DNAH6: variants seen among roughly 807,000 people sequenced by gnomAD.
The protein encoded by DNAH6 is axonemal beta dynein heavy chain 6.
A neutral mutation model predicts 491.4 loss-of-function variants in DNAH6; 340 were observed. The ratio of observed to expected loss-of-function variants is 0.69; its 90% confidence interval spans 0.63 to 0.76. The LOEUF is 0.76. Among genes scored for constraint, DNAH6 ranks in the 30% least tolerant of loss-of-function variants. The pLI, the probability that DNAH6 is intolerant of heterozygous loss-of-function variation, is 0.00. For missense variants in DNAH6, 4,443 were observed against 4,972.2 expected (o/e 0.89, Z 3.20); for synonymous variants, 1,603 against 1,686.1 (o/e 0.95, Z 1.21).
chr2:84,721,021 C>A (rs1197604906), intron 59 of DNAH6, among the ~76,000 whole-genome samples: 2 of 152,126 alleles, frequency 1.3e-5, no homozygotes, highest in Non-Finnish European at 2.9e-5. Flanking sequence ...AAAAATATGT[C>A]TCATATTCTC....
At position 84,692,406 on chromosome 2, in the gene DNAH6, A is replaced by G. The variant is rs184602279; in HGVS notation, c.7293-1843A>G. ...ACATTGTTTTCTTCAATTATCAACA[A>G]TATAAATAAGGTAGATAGATAGATA... On this transcript the variant is annotated intron_variant, in intron 45 of 76. Transcript: ENST00000389394. 1.1e-4 allele frequency among the ~76,000 whole-genome samples: 16 copies of G among 150,638 alleles called. No homozygotes were observed. The South Asian group carries it at 3.0e-3, about 28-fold the overall frequency.
the DNAH6 span, among the ~76,000 whole-genome samples, chr2:84,489,280 C>T: frequency 6.6e-6 from 1 of 151,988 alleles, no homozygotes; most frequent in Admixed American, 6.5e-5. Flanking sequence ...ATTATGTATT[C>T]TTCAATTGTT....
At chr2:84,641,802 T>G in intron 32 of DNAH6, 145 bp from the exon 33 acceptor site, 1 of 628,970 alleles carries the variant, frequency 1.6e-6, no homozygotes. Flanking sequence ...CTGATGGAGA[T>G]GAACGCTGAA....
chr2:84,481,752 G>T, the DNAH6 span, among the ~76,000 whole-genome samples: 1 of 152,274 alleles, frequency 6.6e-6, no homozygotes, highest in South Asian at 2.1e-4. Flanking sequence ...GTGACCTACC[G>T]GTCTATGCCA....
At chr2:84,470,882 G>T in the DNAH6 span, among the ~76,000 whole-genome samples, 3 of 152,272 alleles carry the variant, frequency 2.0e-5, no homozygotes, top group Non-Finnish European at 4.4e-5. Flanking sequence ...AATTGTGGAG[G>T]CTGCAAAGGC....
intron 17 of DNAH6, 90 bp from the exon 18 acceptor site, chr2:84,595,556 G>GTCGCCGAATC: frequency 1.7e-6 from 2 of 1,181,188 alleles, no homozygotes; most frequent in Non-Finnish European, 2.3e-6. Context: ...TGTAGATTTG[G>GTCGCCGAATC]ATTAACTTTT....
intron 45 of DNAH6, among the ~76,000 whole-genome samples, chr2:84,693,158 G>A (rs1695036015): frequency 6.6e-6 from 1 of 151,836 alleles, no homozygotes; most frequent in Non-Finnish European, 1.5e-5. Flanking sequence ...TCTATGATGT[G>A]GCCTCTGGGA....
chr2:84,557,747 G>A lies in DNAH6; in HGVS notation c.1615G>A (p.Gly539Ser), dbSNP rs143854392. The part of the protein sequence containing the change: ...SLEDFLDGIL[G>S]AVNHCQNTVL... Reference sequence around the variant, plus strand: ...TTCTCTTTAACAGGATGGTATTTTGGGTGCAGTTAATCACTGTCAAAACAC... The same window carrying A: ...TTCTCTTTAACAGGATGGTATTTTGAGTGCAGTTAATCACTGTCAAAACAC... Residue 539 changes from glycine to serine, a missense_variant, in exon 11 of 77, where the codon GGT becomes AGT. By Grantham distance (56) the Gly-to-Ser change is moderately conservative (BLOSUM62 0). Transcript: ENST00000389394. The A allele has an allele frequency of 2.5e-5, 40 of 1,590,728 alleles. No homozygotes were observed. In the African/African-American group the frequency reaches 4.4e-4, roughly 18 times the overall value.
At chr2:84,501,109 A>G in the DNAH6 span, among the ~76,000 whole-genome samples, 1 of 152,230 alleles carries the variant, frequency 6.6e-6, no homozygotes, top group African/African-American at 2.4e-5. Context: ...GTTCCAGATC[A>G]TAGAGGAAAG....
chr2:84,745,527 A>G (rs1200441365), intron 63 of DNAH6, among the ~76,000 whole-genome samples: 2 of 152,156 alleles, frequency 1.3e-5, no homozygotes, highest in African/African-American at 4.8e-5. Context: ...TTATCCGGGC[A>G]TGGTGGCAGG....
intron 62 of DNAH6, among the ~76,000 whole-genome samples, chr2:84,737,875 G>C (rs1320404060): frequency 6.6e-6 from 1 of 151,668 alleles, no homozygotes; most frequent in Non-Finnish European, 1.5e-5. Flanking sequence ...TGCTAGTTTG[G>C]AGTTTCATTT....
intron 22 of DNAH6, among the ~76,000 whole-genome samples, chr2:84,615,099 A>T (rs553730617): frequency 6.6e-6 from 1 of 152,130 alleles, no homozygotes; most frequent in East Asian, 1.9e-4. Context: ...GGTTTTGGTC[A>T]TGAAGTTCTT....
intron 58 of DNAH6, 32 bp downstream of exon 58, chr2:84,715,659 G>T (rs553958671): frequency 1.6e-5 from 24 of 1,523,870 alleles, no homozygotes; most frequent in Non-Finnish European, 2.0e-5. Flanking sequence ...GGGAGGGAAG[G>T]GGGTATTGTG....
chr2:84,548,149 G>A, intron 7 of DNAH6, 139 bp from the exon 8 acceptor site: 2 of 841,684 alleles, frequency 2.4e-6, no homozygotes, highest in Non-Finnish European at 3.6e-6. Context: ...TAATTGGGCT[G>A]TTTTTCAGGT....
At chr2:84,699,569 G>A in intron 47 of DNAH6, 25 bp from the exon 48 acceptor site, 1 of 1,540,588 alleles carries the variant, frequency 6.5e-7, no homozygotes, top group Non-Finnish European at 8.8e-7. Flanking sequence ...ATTTTAAACT[G>A]AAAAAATAAC....
In DNAH6 at chr2:84,722,643, A is replaced by T; in HGVS notation, c.9811A>T (p.Lys3271Ter). ...QDSKITSGAI[K>*]TRLEEAESTE... ...TATTCAGATCACTTCTGGTGCCATT[A>T]AAACCAGGCTGGAAGAAGCAGAGTC... Residue 3271 changes from lysine to a stop codon, truncating the protein, a stop_gained, in exon 60 of 77, where the codon AAA becomes TAA. Coordinates refer to ENST00000389394, the MANE Select transcript of DNAH6 (RefSeq NM_001370.2). LOFTEE classifies it high-confidence loss of function. The T allele has an allele frequency of 6.5e-7, 1 of 1,549,418 alleles. No individual in the cohort carries two copies. Among genetic ancestry groups the T allele is most frequent in the Non-Finnish European group, 8.7e-7 (1 of 1,146,338 alleles).
intron 37 of DNAH6, among the ~76,000 whole-genome samples, chr2:84,660,479 T>C (rs1691395601): frequency 6.6e-6 from 1 of 152,160 alleles, no homozygotes; most frequent in African/African-American, 2.4e-5. Context: ...GCAGAAGGAA[T>C]AATGGATAAA....
At chr2:84,680,852 A>T (rs1182131391) in intron 41 of DNAH6, among the ~76,000 whole-genome samples, 1 of 152,152 alleles carries the variant, frequency 6.6e-6, no homozygotes, top group Admixed American at 6.5e-5. Flanking sequence ...GGAGGTGTAT[A>T]AAGAGACTTC....
intron 42 of DNAH6, among the ~76,000 whole-genome samples, chr2:84,682,509 A>G (rs1693881123): frequency 6.6e-6 from 1 of 151,576 alleles, no homozygotes; most frequent in African/African-American, 2.4e-5. Flanking sequence ...TCCCACCCCT[A>G]CTCTAAGAGT....
Sources: allele counts gnomAD v4.1 joint callset (sites outside exome capture counted in the v4.1 genomes callset), GRCh38; gene constraint gnomAD v4.1.1; transcripts MANE v1.5; gene names NCBI Gene and HGNC (gene_info 2026-07-23, HGNC 2026-07-21).